Variants in SIPA1L1 observed in about 807,000 individuals in gnomAD.
SIPA1L1 encodes signal-induced proliferation-associated 1-like protein 1.
Under a neutral mutation model 162.7 loss-of-function variants are expected in SIPA1L1, and 26 were observed. The ratio of observed to expected loss-of-function variants is 0.16; its 90% confidence interval spans 0.12 to 0.22. The LOEUF is 0.22. SIPA1L1 is among the 10% of genes least tolerant of loss of function. The pLI is 1.00. For synonymous variants in SIPA1L1, 829 were observed against 837.4 expected, an observed-to-expected ratio of 0.99 and a Z score of 0.17; for missense variants, 1,874 against 2,241.0, an observed-to-expected ratio of 0.84 and a Z score of 3.31.
intron 2 of SIPA1L1, among the ~76,000 whole-genome samples, chr14:71,500,820 A>G (rs957396001): frequency 2.0e-5 from 3 of 152,142 alleles, no homozygotes; most frequent in Non-Finnish European, 4.4e-5. Context: ...CAGCCTGACC[A>G]ACATGGAGAA....
chr14:71,551,427 G>A (rs935137781), intron 4 of SIPA1L1, among the ~76,000 whole-genome samples: 3 of 152,180 alleles, frequency 2.0e-5, no homozygotes, highest in Non-Finnish European at 2.9e-5. Flanking sequence ...CATCTGTCCA[G>A]TTGCTCAAGC....
At chr14:71,665,975 A>G (rs2043964838) in intron 10 of SIPA1L1, among the ~76,000 whole-genome samples, 2 of 152,158 alleles carry the variant, frequency 1.3e-5, no homozygotes, top group Admixed American at 6.5e-5. Flanking sequence ...TTAAAACCAT[A>G]GATAAGGGGG....
intron 10 of SIPA1L1, among the ~76,000 whole-genome samples, chr14:71,662,310 A>G (rs1402880932): frequency 2.0e-5 from 3 of 152,050 alleles, no homozygotes; most frequent in Non-Finnish European, 2.9e-5. Flanking sequence ...TAGCTTAGGG[A>G]AAAAAAACAA....
intron 4 of SIPA1L1, among the ~76,000 whole-genome samples, chr14:71,533,633 C>T (rs1022895892): frequency 2.6e-5 from 4 of 152,150 alleles, no homozygotes; most frequent in Non-Finnish European, 5.9e-5. Flanking sequence ...TTTGTGTCTG[C>T]GGTTGTACAT....
chr14:71,611,443 G>C (rs940016127), intron 5 of SIPA1L1, among the ~76,000 whole-genome samples: 9 of 147,024 alleles, frequency 6.1e-5, no homozygotes. Context: ...TGTGCAGGAC[G>C]TGCAGGTTTG....
At position 71,652,908 on chromosome 14, in the gene SIPA1L1, G is replaced by A. The variant is rs1163007335; in HGVS notation, c.1993+2399G>A. 9.9e-5 allele frequency among the ~76,000 whole-genome samples: 15 copies of A among 151,856 alleles called. No homozygotes were observed. In the East Asian group the frequency reaches 2.9e-3, roughly 29 times the overall value. On this transcript the variant is annotated intron_variant, in intron 8 of 23. Transcript: ENST00000381232. ...AATAGTTGTTTCAAAATGTTCATCT[G>A]CTAATTTCATCATTTCTCTCATTTT...
intron 21 of SIPA1L1, 116 bp downstream of exon 21, chr14:71,733,928 A>G (rs886298685): frequency 6.2e-6 from 7 of 1,130,858 alleles, no homozygotes; most frequent in East Asian, 5.2e-5. Context: ...CAGATGAGCT[A>G]TCAGTTACTG....
chr14:71,490,592 G>A (rs574847968), intron 2 of SIPA1L1, among the ~76,000 whole-genome samples: 1 of 152,216 alleles, frequency 6.6e-6, no homozygotes, highest in South Asian at 2.1e-4. Context: ...TTCCAACAGA[G>A]GACCTCTGTG....
intron 9 of SIPA1L1, 25 bp downstream of exon 9, chr14:71,658,461 G>C: frequency 7.3e-7 from 1 of 1,378,082 alleles, no homozygotes; most frequent in Non-Finnish European, 1.0e-6. Flanking sequence ...TGTTATCTGT[G>C]TTTTCACCCT....
intron 2 of SIPA1L1, among the ~76,000 whole-genome samples, chr14:71,372,927 T>A (rs1006239066): frequency 2.0e-5 from 3 of 152,176 alleles, no homozygotes; most frequent in Non-Finnish European, 1.5e-5. Flanking sequence ...TTCATTTAAT[T>A]GAAATGTTTC....
At chr14:71,618,915 G>A (rs756761880) in intron 6 of SIPA1L1, 28 bp downstream of exon 6, 2 of 1,606,524 alleles carry the variant, frequency 1.2e-6, no homozygotes, top group Admixed American at 1.7e-5. Context: ...GAGGTTTGAG[G>A]TTTAACTGAA....
chr14:71,424,698 C>T (rs1002063669), intron 2 of SIPA1L1, among the ~76,000 whole-genome samples: 10 of 152,058 alleles, frequency 6.6e-5, no homozygotes, highest in East Asian at 3.9e-4. Flanking sequence ...ATTTTTGCAT[C>T]GGTATTCATT....
At chr14:71,362,399 A>C (rs547103572) in intron 2 of SIPA1L1, among the ~76,000 whole-genome samples, 10 of 152,154 alleles carry the variant, frequency 6.6e-5, no homozygotes, top group Admixed American at 5.2e-4. Context: ...CATTCCACTA[A>C]GGTATGGCAG....
chr14:71,652,577 CAT>C (rs756762769), intron 8 of SIPA1L1, among the ~76,000 whole-genome samples: 36 of 151,824 alleles, frequency 2.4e-4, no homozygotes, highest in South Asian at 1.0e-3. Flanking sequence ...TCCAATTACA[CAT>C]ATGTTATATC....
chr14:71,498,637 A>G (rs1257710681), intron 2 of SIPA1L1, among the ~76,000 whole-genome samples: 1 of 152,244 alleles, frequency 6.6e-6, no homozygotes, highest in Non-Finnish European at 1.5e-5. Flanking sequence ...ACAGTATTCC[A>G]TGCAGTACAT....
chr14:71,469,093 C>T (rs1353638770), intron 2 of SIPA1L1, among the ~76,000 whole-genome samples: 1 of 152,060 alleles, frequency 6.6e-6, no homozygotes, highest in Non-Finnish European at 1.5e-5. Context: ...CTCTTCTTAA[C>T]CTCAACCTCT....
chr14:71,493,045 A>G lies in SIPA1L1; in HGVS notation c.-464-19698A>G, dbSNP rs192319966. Among the ~76,000 whole-genome samples, 75 of 152,238 alleles carry G rather than the reference A, an allele frequency of 4.9e-4. No homozygotes were observed. In the Middle Eastern group the frequency reaches 0.01, roughly 21 times the overall value. ...CCAAATCAATTTATATCGAAAGAAT[A>G]TATCTGTGGTGCCTGCCCCTTTATC... On this transcript the variant is annotated intron_variant, in intron 2 of 23. Transcript: ENST00000381232.
At position 71,569,942 on chromosome 14, in the gene SIPA1L1, G is replaced by A. The variant is rs574005957; in HGVS notation, c.-302-17629G>A. Among the ~76,000 whole-genome samples, 102 of 152,262 alleles carry A rather than the reference G, an allele frequency of 6.7e-4. 1 individual carries two copies. Among genetic ancestry groups the A allele is most frequent in the African/African-American group, 2.4e-3 (99 of 41,540 alleles). ...GACATGCATGTCTCATTGGCTGAGG[G>A]GCTGACTGTGTGTCTGCACCCTGTC... On this transcript the variant is annotated intron_variant, in intron 4 of 23. Coordinates refer to ENST00000381232, the MANE Select transcript of SIPA1L1 (RefSeq NM_001386936.1).
At chr14:71,410,439 A>T (rs1052782059) in intron 2 of SIPA1L1, among the ~76,000 whole-genome samples, 5 of 152,226 alleles carry the variant, frequency 3.3e-5, no homozygotes, top group African/African-American at 1.2e-4. Context: ...CATATTTGTG[A>T]ATGGTTGGCC....
Sources: gnomAD v4.1 joint callset for allele counts (sites outside exome capture counted in the v4.1 genomes callset) on GRCh38, gnomAD v4.1.1 for gene constraint, MANE v1.5 for transcripts, NCBI Gene and HGNC (gene_info 2026-07-23, HGNC 2026-07-21) for gene names.